ANKS1B: variants seen among roughly 807,000 people sequenced by gnomAD.
ANKS1B encodes ankyrin repeat and sterile alpha motif domain-containing protein 1B.
Under a neutral mutation model 148.3 loss-of-function variants are expected in ANKS1B, and 36 were observed. The ratio of observed to expected loss-of-function variants is 0.24; its 90% CI spans 0.19 to 0.32. The LOEUF (loss-of-function observed/expected upper bound fraction) is 0.32, where lower values mean the gene tolerates loss of function less well. Ranked by LOEUF, ANKS1B falls within the 10% of genes least tolerant of loss-of-function variation. The probability of loss-of-function intolerance (pLI) is 1.00; values close to 1 mark genes in which losing one functional copy is unlikely to be tolerated. For missense variants in ANKS1B, 1,157 were observed against 1,542.6 expected (o/e 0.75, Z 4.19); for synonymous variants, 542 against 560.8 (o/e 0.97, Z 0.47).
chr12:98,752,394 G>C (rs1345285424), intron 25 of ANKS1B, among the ~76,000 whole-genome samples: 2 of 152,036 alleles, frequency 1.3e-5, no homozygotes, highest in Non-Finnish European at 2.9e-5. Flanking sequence ...GAGTAGCTGG[G>C]ACTACAGGCA....
At chr12:99,480,561 A>AT (rs2096395177) in intron 10 of ANKS1B, among the ~76,000 whole-genome samples, 1 of 151,820 alleles carries the variant, frequency 6.6e-6, no homozygotes, top group Admixed American at 6.6e-5. Flanking sequence ...AGTTGAAAAT[A>AT]TTTTTTAATT....
intron 1 of ANKS1B, among the ~76,000 whole-genome samples, chr12:99,861,569 T>C (rs1283470363): frequency 6.6e-6 from 1 of 152,208 alleles, no homozygotes; most frequent in African/African-American, 2.4e-5. Context: ...TTTCAGATTA[T>C]ATTTGGGAAA....
intron 9 of ANKS1B, among the ~76,000 whole-genome samples, chr12:99,580,552 G>A (rs2097560464): frequency 6.6e-6 from 1 of 152,072 alleles, no homozygotes; most frequent in Non-Finnish European, 1.5e-5. Flanking sequence ...TAATAAAAAT[G>A]ATCTCATAGG....
chr12:99,767,157 C>A (rs1318048332), intron 8 of ANKS1B, among the ~76,000 whole-genome samples: 1 of 151,536 alleles, frequency 6.6e-6, no homozygotes. Flanking sequence ...AAATAAAATA[C>A]CTCACACTTC....
At chr12:99,663,360 A>G (rs1422315159) in intron 8 of ANKS1B, among the ~76,000 whole-genome samples, 1 of 152,188 alleles carries the variant, frequency 6.6e-6, no homozygotes, top group East Asian at 1.9e-4. Context: ...CTATGATCAG[A>G]AACCCTACTG....
At chr12:99,225,207 T>C (rs1470643030) in intron 14 of ANKS1B, among the ~76,000 whole-genome samples, 1 of 152,166 alleles carries the variant, frequency 6.6e-6, no homozygotes, top group Admixed American at 6.5e-5. Context: ...ATAGTTTTTA[T>C]AAAATGACCC....
chr12:99,230,910 C>T (rs565680190), intron 14 of ANKS1B, among the ~76,000 whole-genome samples: 10 of 152,124 alleles, frequency 6.6e-5, no homozygotes, highest in South Asian at 2.1e-4. Context: ...GATAAAATAG[C>T]ATGCTTGTGT....
chr12:99,784,616 A>T (rs1008839775), intron 4 of ANKS1B, among the ~76,000 whole-genome samples: 1 of 152,198 alleles, frequency 6.6e-6, no homozygotes, highest in Admixed American at 6.5e-5. Flanking sequence ...TTCAGCATGA[A>T]TAAGAACCAT....
At position 99,657,645 on chromosome 12, in the gene ANKS1B, G is replaced by GTA. The variant is rs745755605; in HGVS notation, c.1129-2437_1129-2436dup. On this transcript the variant is annotated intron_variant, in intron 8 of 26. Coordinates refer to ENST00000683438, the MANE Select transcript of ANKS1B (RefSeq NM_001352186.2). ...AAATTTAAAATCTTAATCTGAAAGA[G>GTA]TATATATATATATATGATAAAGTTG... Among the ~76,000 whole-genome samples the GTA allele has an allele frequency of 6.8e-4, 73 of 107,166 alleles. 1 individual carries two copies. The highest frequency in any genetic ancestry group is 1.8e-3 in the South Asian group (7 of 4,000). 70.3% of individuals were successfully genotyped at this position (107,166 alleles called of 152,430 possible).
chr12:99,457,320 C>T (rs975131570), intron 10 of ANKS1B, among the ~76,000 whole-genome samples: 1 of 151,440 alleles, frequency 6.6e-6, no homozygotes, highest in African/African-American at 2.4e-5. Context: ...ATAGAATCTC[C>T]TTAAAGCACA....
chr12:98,894,281 T>C (rs891748367), intron 17 of ANKS1B, among the ~76,000 whole-genome samples: 2 of 151,426 alleles, frequency 1.3e-5, no homozygotes, highest in Admixed American at 6.6e-5. Flanking sequence ...CTTTGGAAAA[T>C]ATACACTGTT....
At chr12:99,255,264 A>G (rs1488845535) in intron 12 of ANKS1B, among the ~76,000 whole-genome samples, 1 of 152,102 alleles carries the variant, frequency 6.6e-6, no homozygotes, top group Non-Finnish European at 1.5e-5. Flanking sequence ...CAGTATTAAA[A>G]TTCACTGGTA....
downstream of ANKS1B, among the ~76,000 whole-genome samples, chr12:98,743,174 C>T (rs1281074567): frequency 1.3e-5 from 2 of 152,118 alleles, no homozygotes; most frequent in African/African-American, 2.4e-5. Flanking sequence ...GATTTGGCCA[C>T]GTGTTCCTTT....
chr12:99,086,765 T>G (rs1336643111), intron 15 of ANKS1B, among the ~76,000 whole-genome samples: 1 of 152,242 alleles, frequency 6.6e-6, no homozygotes. Flanking sequence ...TTGAGGCGTC[T>G]ATAGAGGTTC....
In ANKS1B at chr12:99,891,106, G is replaced by A. The variant is rs12310311; in HGVS notation, c.135-65717C>T. On this transcript the variant is annotated intron_variant, in intron 1 of 26. Coordinates refer to ENST00000683438, the MANE Select transcript of ANKS1B (RefSeq NM_001352186.2). ...TTTTGAAGTTTATTCATTTTGTAGC[G>A]TGCATCAATAGATCACTCCTAAAAC... Among the ~76,000 whole-genome samples the A allele has an allele frequency of 5.1e-3, 769 of 152,166 alleles. 10 individuals carry two copies. The highest frequency in any genetic ancestry group is 0.017 in the African/African-American group (713 of 41,504).
At position 99,401,375 on chromosome 12, in the gene ANKS1B, T is replaced by G. The variant is rs533750479; in HGVS notation, c.1576-1564A>C. Reference sequence around the variant, plus strand: ...TCATTCTAGGCTTTGTTTTATTGTGTTGTGTTTTTGTTTCACTTTATGTGT... The same window carrying G: ...TCATTCTAGGCTTTGTTTTATTGTGGTGTGTTTTTGTTTCACTTTATGTGT... On this transcript the variant is annotated intron_variant, in intron 11 of 26. Coordinates refer to ENST00000683438, the MANE Select transcript of ANKS1B (RefSeq NM_001352186.2). Among the ~76,000 whole-genome samples, 164 of 146,534 alleles carry G rather than the reference T, an allele frequency of 1.1e-3. 14 individuals are homozygous for G. Among genetic ancestry groups the G allele is most frequent in the Non-Finnish European group, 2.1e-3 (138 of 66,222 alleles).
At chr12:98,796,431 T>C (rs1479846507) in intron 22 of ANKS1B, among the ~76,000 whole-genome samples, 1 of 152,180 alleles carries the variant, frequency 6.6e-6, no homozygotes, top group Non-Finnish European at 1.5e-5. Flanking sequence ...GACTTTTGGC[T>C]GAAATGCCAC....
At chr12:99,583,527 G>C (rs2097591532) in intron 9 of ANKS1B, among the ~76,000 whole-genome samples, 1 of 152,012 alleles carries the variant, frequency 6.6e-6, no homozygotes, top group Admixed American at 6.6e-5. Context: ...ACTATTTTAT[G>C]ATCAGTTCTT....
At chr12:99,938,711 C>G (rs1361376659) in intron 1 of ANKS1B, among the ~76,000 whole-genome samples, 1 of 152,126 alleles carries the variant, frequency 6.6e-6, no homozygotes, top group African/African-American at 2.4e-5. Context: ...CAATTTGCCA[C>G]CAATATTGCC....
Sources: allele counts gnomAD v4.1 joint callset (sites outside exome capture counted in the v4.1 genomes callset), GRCh38; gene constraint gnomAD v4.1.1; transcripts MANE v1.5; gene names NCBI Gene and HGNC (gene_info 2026-07-23, HGNC 2026-07-21).